Variants in MAP7 observed in about 807,000 individuals in gnomAD.
The protein encoded by MAP7 is ensconsin.
A neutral mutation model predicts 94.8 loss-of-function variants in MAP7; 52 were observed. That is an observed-to-expected ratio of 0.55 (90% confidence interval 0.44 to 0.69). MAP7 has a LOEUF of 0.69. Among genes scored for constraint, MAP7 ranks in the 30% least tolerant of loss-of-function variants. MAP7 has a pLI of 0.00. For missense variants in MAP7, 940 were observed against 964.6 expected, an observed-to-expected ratio of 0.97 and a Z score of 0.34; for synonymous variants, 350 against 357.0, an observed-to-expected ratio of 0.98 and a Z score of 0.22.
At chr6:136,430,585 T>C (rs1193237603) in intron 1 of MAP7, among the ~76,000 whole-genome samples, 1 of 152,232 alleles carries the variant, frequency 6.6e-6, no homozygotes, top group African/African-American at 2.4e-5. Context: ...TAAAATATTT[T>C]AAATTTCTTA....
At chr6:136,529,169 T>G (rs192116991) in intron 1 of MAP7, among the ~76,000 whole-genome samples, 80 of 152,242 alleles carry the variant, frequency 5.3e-4, no homozygotes, top group East Asian at 1.4e-3. Flanking sequence ...CAGGCTGGAG[T>G]GCAGTCGCAG....
chr6:136,486,320 A>C (rs1235493081), intron 1 of MAP7, among the ~76,000 whole-genome samples: 1 of 152,200 alleles, frequency 6.6e-6, no homozygotes. Context: ...CCCTGGCAAA[A>C]GCAAGAACAG....
At chr6:136,390,778 C>T (rs543562650) in intron 3 of MAP7, among the ~76,000 whole-genome samples, 1 of 152,228 alleles carries the variant, frequency 6.6e-6, no homozygotes, top group South Asian at 2.1e-4. Context: ...CAAAGTTAGT[C>T]ATTTGAGGAC....
intron 5 of MAP7, among the ~76,000 whole-genome samples, chr6:136,385,961 T>G (rs111795594): frequency 0.017 from 2,530 of 152,048 alleles, 41 homozygotes; most frequent in East Asian, 0.039. Flanking sequence ...AGTAGAGATA[T>G]GATTTCTCCA....
At chr6:136,544,703 C>T (rs1044981327) in intron 1 of MAP7, among the ~76,000 whole-genome samples, 1 of 152,224 alleles carries the variant, frequency 6.6e-6, no homozygotes, top group African/African-American at 2.4e-5. Context: ...TAGTCCTATA[C>T]TTCCAGTTGC....
At chr6:136,360,551 T>G in intron 13 of MAP7, 146 bp downstream of exon 13, 1 of 696,754 alleles carries the variant, frequency 1.4e-6, no homozygotes, top group Non-Finnish European at 2.5e-6. Context: ...CCGAGAGAGA[T>G]TTCTTTGCAG....
chr6:136,360,153 CTTT>C (rs200986298), intron 13 of MAP7, 122 bp from the exon 14 acceptor site: 1,819 of 595,966 alleles, frequency 3.1e-3, no homozygotes, highest in South Asian at 4.4e-3. Context: ...ACAATATGCA[CTTT>C]TTTTTTTTTT....
intron 1 of MAP7, among the ~76,000 whole-genome samples, chr6:136,543,029 GA>G (rs1829452583): frequency 1.3e-5 from 2 of 152,204 alleles, no homozygotes; most frequent in African/African-American, 2.4e-5. Flanking sequence ...TAAAACCGTA[GA>G]GTTGCTCTGG....
chr6:136,406,843 C>T (rs1785773323), intron 3 of MAP7, among the ~76,000 whole-genome samples: 1 of 151,960 alleles, frequency 6.6e-6, no homozygotes, highest in Non-Finnish European at 1.5e-5. Flanking sequence ...ACAAACAAAA[C>T]AACAACAACA....
In MAP7 at chr6:136,388,436, C is replaced by T. The variant is rs776519403; in HGVS notation, c.483G>A (p.Ser161=). ...QKPKQKHNRW[S]WGGSLHGSPS... ...GGCTCCCATGGAGAGAGCCTCCCCA[C>T]GACCAACGGTTATGCTTCTGTTTTG... is the stretch of plus-strand genomic sequence containing the variant. Residue 161 remains serine, a synonymous_variant, in exon 5 of 18, where the codon TCG becomes TCA. Coordinates refer to ENST00000354570, the MANE Select transcript of MAP7 (RefSeq NM_003980.6). The T allele has an allele frequency of 6.1e-5, 99 of 1,614,158 alleles. No individual in the cohort carries two copies. Among genetic ancestry groups the T allele is most frequent in the Middle Eastern group, 1.7e-4 (1 of 6,060 alleles).
At chr6:136,436,351 A>G (rs1028174986) in intron 1 of MAP7, among the ~76,000 whole-genome samples, 6 of 152,114 alleles carry the variant, frequency 3.9e-5, no homozygotes, top group Admixed American at 2.0e-4. Flanking sequence ...TGCCTGAAAA[A>G]GTTCTATTTT....
Position 136,438,229 on chromosome 6 carries a change from G to A in MAP7, c.68-16430C>T, listed in dbSNP as rs78214951. 0.013 allele frequency among the ~76,000 whole-genome samples: 1,919 copies of A among 152,314 alleles called. 59 individuals are homozygous for A. The East Asian group carries it at 0.13, about 11-fold the overall frequency. ...TCAGCAACTGTGAGAACCATTTATC[G>A]TAATAGGCATTGTGCTAGAAGCTTT... is the stretch of plus-strand genomic sequence containing the variant. On this transcript the variant is annotated intron_variant, in intron 1 of 17. Coordinates refer to ENST00000354570, the MANE Select transcript of MAP7 (RefSeq NM_003980.6).
At chr6:136,401,609 C>T (rs978780606) in intron 3 of MAP7, among the ~76,000 whole-genome samples, 2 of 152,038 alleles carry the variant, frequency 1.3e-5, no homozygotes, top group Non-Finnish European at 2.9e-5. Context: ...GGATAGGGAA[C>T]ATCACACACC....
chr6:136,480,282 G>A (rs1812312322), intron 1 of MAP7, among the ~76,000 whole-genome samples: 1 of 152,120 alleles, frequency 6.6e-6, no homozygotes, highest in Admixed American at 6.6e-5. Flanking sequence ...GGGAAAATTG[G>A]ATATCCATAT....
At chr6:136,536,566 C>T (rs1036978154) in intron 1 of MAP7, among the ~76,000 whole-genome samples, 1 of 152,134 alleles carries the variant, frequency 6.6e-6, no homozygotes, top group Non-Finnish European at 1.5e-5. Flanking sequence ...GTAAAGAAAT[C>T]AAAATCATAA....
intron 2 of MAP7, among the ~76,000 whole-genome samples, chr6:136,419,680 G>T (rs905696621): frequency 2.6e-5 from 4 of 152,172 alleles, no homozygotes; most frequent in African/African-American, 9.7e-5. Context: ...TCAGGTGAGT[G>T]TATCACATGT....
intron 2 of MAP7, among the ~76,000 whole-genome samples, chr6:136,416,533 C>T (rs911065334): frequency 1.6e-4 from 24 of 152,114 alleles, no homozygotes; most frequent in Admixed American, 4.6e-4. Flanking sequence ...CAGCCAGGCG[C>T]GGTGACTCAC....
chr6:136,461,223 CTTAG>C (rs1369654397), intron 1 of MAP7, among the ~76,000 whole-genome samples: 2 of 152,074 alleles, frequency 1.3e-5, no homozygotes, highest in Non-Finnish European at 2.9e-5. Context: ...ACAGCTTTTG[CTTAG>C]TTATTGATGA....
chr6:136,371,191 A>C (rs1215690608), intron 8 of MAP7, among the ~76,000 whole-genome samples: 1 of 152,202 alleles, frequency 6.6e-6, no homozygotes, highest in Non-Finnish European at 1.5e-5. Context: ...CTCTCATTTA[A>C]CCTGTCAGCC....
Sources: gnomAD v4.1 joint callset for allele counts (sites outside exome capture counted in the v4.1 genomes callset) on GRCh38, gnomAD v4.1.1 for gene constraint, MANE v1.5 for transcripts, NCBI Gene and HGNC (gene_info 2026-07-23, HGNC 2026-07-21) for gene names.